The following LACTB2 variants were observed in gnomAD, a reference collection of about 807,000 sequenced individuals.
LACTB2 encodes the protein lactamase beta 2, also known as endoribonuclease LACTB2.
Under a neutral mutation model 34.8 loss-of-function variants are expected in LACTB2, and 32 were observed. That is an observed-to-expected ratio of 0.92 (90% CI 0.69 to 1.24). LACTB2 has a LOEUF of 1.24. Ranked by LOEUF, LACTB2 falls within the 50% of genes most tolerant of loss-of-function variation. LACTB2 has a pLI of 0.00. For synonymous variants in LACTB2, 120 were observed against 117.5 expected (o/e 1.02, Z -0.14); for missense variants, 320 against 345.0 (o/e 0.93, Z 0.57).
Position 70,668,748 on chromosome 8 carries a change from G to GTTTTTTT in LACTB2, c.122+244_122+250dup, listed in dbSNP as rs990900411. On this transcript the variant is annotated intron_variant, in intron 1 of 6. Transcript: ENST00000276590. The stretch of plus-strand genomic sequence containing the variant: ...CAGTAAATCGGGTTTCAAAACAGAA[G>GTTTTTTT]TTTTTTTTTTTTTTTTTTTTTTTTT... Among the ~76,000 whole-genome samples, 111 of 103,688 alleles carry GTTTTTTT rather than the reference G, an allele frequency of 1.1e-3. 9 individuals are homozygous for GTTTTTTT. Among genetic ancestry groups the GTTTTTTT allele is most frequent in the African/African-American group, 4.3e-3 (102 of 23,838 alleles). The allele number at this position is 103,688 out of a possible 152,430, so 68.0% of individuals were successfully genotyped here.
intron 2 of LACTB2, chr8:70,660,495 C>T (rs1300433923): frequency 5.0e-6 from 2 of 398,764 alleles, no homozygotes; most frequent in Non-Finnish European, 1.0e-5. Context: ...CAATTGTAGT[C>T]ACAAGGCCTA....
intron 3 of LACTB2, among the ~76,000 whole-genome samples, chr8:70,648,043 A>C (rs1818285267): frequency 6.6e-6 from 1 of 152,236 alleles, no homozygotes; most frequent in Admixed American, 6.5e-5. Flanking sequence ...CCTTTACGCT[A>C]CATGAAGATT....
chr8:70,647,345 C>CA (rs1322490167), intron 3 of LACTB2, among the ~76,000 whole-genome samples: 1 of 151,818 alleles, frequency 6.6e-6, no homozygotes, highest in Non-Finnish European at 1.5e-5. Context: ...CTCTGCCTCC[C>CA]AGGTTCAAGC....
rs146334456 is a variant in LACTB2, at chr8:70,638,109, C to A, written c.824-206G>T. ...TTAGAATTCTGGATTTTAAGGATTA[C>A]ATTTCTATAAAGATTATTAGTTTGA... On this transcript the variant is annotated intron_variant, in intron 6 of 6. Transcript: ENST00000276590. Among the ~76,000 whole-genome samples, 262 of 152,286 alleles carry A rather than the reference C, an allele frequency of 1.7e-3. 1 individual carries two copies. Among genetic ancestry groups the A allele is most frequent in the African/African-American group, 6.2e-3 (259 of 41,558 alleles).
Position 70,669,004 on chromosome 8 carries a change from G to C in LACTB2, c.117C>G (p.Gly39=), listed in dbSNP as rs891313914. 6.3e-7 allele frequency: 1 copy of C among 1,587,886 alleles called. No homozygotes were observed. Among genetic ancestry groups the C allele is most frequent in the Non-Finnish European group, 8.6e-7 (1 of 1,167,540 alleles). ...GGTTGGAGAGGGACGTTTACCTGGG[G>C]CCGGTCCCCACTAGGTAGGTGTTGG... ...QGTNTYLVGT[G]PRRILIDTGE... Residue 39 remains glycine, a synonymous_variant, in exon 1 of 7, where the codon GGC becomes GGG. Transcript: ENST00000276590.
chr8:70,651,494 T>C (rs920427375), intron 3 of LACTB2, among the ~76,000 whole-genome samples: 36 of 152,282 alleles, frequency 2.4e-4, no homozygotes, highest in African/African-American at 7.7e-4. Context: ...TATGAATACA[T>C]AGAATGCATT....
chr8:70,655,412 G>C (rs1191786581), intron 3 of LACTB2, among the ~76,000 whole-genome samples: 2 of 152,002 alleles, frequency 1.3e-5, no homozygotes, highest in African/African-American at 4.8e-5. Flanking sequence ...AGTAGAGACA[G>C]GGTTTCATCA....
At position 70,644,091 on chromosome 8, in the gene LACTB2, T is replaced by G; in HGVS notation, c.566A>C (p.Lys189Thr). The G allele has an allele frequency of 2.5e-6, 4 of 1,581,362 alleles. No individual in the cohort carries two copies. The highest frequency in any genetic ancestry group is 3.4e-6 in the Non-Finnish European group (4 of 1,167,438). ...TGGATATATAATATCAGCTTTGATT[T>G]TCAATAACTCTTTTAAAGAGTTCAT... ...DYMNSLKELL[K>T]IKADIIYPGH... Residue 189 changes from lysine (K) to threonine (T), a missense_variant, in exon 4 of 7, where the codon AAA (lysine) becomes ACA (threonine). Coordinates refer to ENST00000276590, the MANE Select transcript of LACTB2 (RefSeq NM_016027.3).
Position 70,661,910 on chromosome 8 carries a change from T to G in LACTB2, c.123-13A>C, listed in dbSNP as rs752472218. 2 of 1,592,122 alleles carry G rather than the reference T, an allele frequency of 1.3e-6. No individual in the cohort carries two copies. ...AATGAGGATTCTCCTGAAAATTAAATGGAAGATAATCACACAATTGGAACA... is the reference window on the plus strand; with the variant it reads ...AATGAGGATTCTCCTGAAAATTAAAGGGAAGATAATCACACAATTGGAACA... On this transcript the variant is annotated splice_polypyrimidine_tract_variant and intron_variant, in intron 1 of 6. Transcript: ENST00000276590.
chr8:70,643,216 T>C (rs1338302014), intron 4 of LACTB2, among the ~76,000 whole-genome samples: 6 of 11,812 alleles, frequency 5.1e-4, no homozygotes, highest in Admixed American at 3.0e-3. Flanking sequence ...TCCTTTTTTT[T>C]TTTTTTTTTT....
In LACTB2 at chr8:70,641,007, T is replaced by C. The variant is rs1305801694; in HGVS notation, c.636A>G (p.Gln212=). Residue 212 remains glutamine, a synonymous_variant, in exon 5 of 7, where the codon CAA becomes CAG. Transcript: ENST00000276590. ...VIHNAEAKIQ[Q]YISHRNIREQ... Reference sequence around the variant, plus strand: ...CTCGAATATTTCTGTGAGAAATGTATTGTTGAATTTTAGCTTCAGCATTAT... The same window carrying C: ...CTCGAATATTTCTGTGAGAAATGTACTGTTGAATTTTAGCTTCAGCATTAT... 6.2e-7 allele frequency: 1 copy of C among 1,606,184 alleles called. No homozygotes were observed. The highest frequency in any genetic ancestry group is 8.5e-7 in the Non-Finnish European group (1 of 1,177,888).
chr8:70,643,622 C>T (rs1818227846), intron 4 of LACTB2, among the ~76,000 whole-genome samples: 1 of 152,050 alleles, frequency 6.6e-6, no homozygotes, highest in South Asian at 2.1e-4. Context: ...TCAAGCGATT[C>T]TCCTGTCTCA....
chr8:70,645,051 TA>T (rs753513155), intron 3 of LACTB2, among the ~76,000 whole-genome samples: 5 of 151,236 alleles, frequency 3.3e-5, no homozygotes, highest in African/African-American at 4.9e-5. Flanking sequence ...TACATCATTT[TA>T]TATATATATA....
intron 2 of LACTB2, 129 bp downstream of exon 2, chr8:70,661,605 T>C: frequency 1.3e-6 from 1 of 752,518 alleles, no homozygotes; most frequent in South Asian, 2.0e-5. Context: ...TCTAATCAAT[T>C]TCTAAAAGTA....
chr8:70,660,754 A>C (rs535883041), intron 2 of LACTB2: 16 of 454,444 alleles, frequency 3.5e-5, no homozygotes, highest in Non-Finnish European at 6.2e-5. Context: ...TTGTACCTTT[A>C]TTTTCCTGCA....
chr8:70,657,811 G>A lies in LACTB2; in HGVS notation c.358C>T (p.Gln120Ter). ...REEIIGNGEQQYVYLKDGDVI... is the reference protein window; with the variant it reads ...REEIIGNGEQ ...TCTCCATCTTTCAGATAAACATATT[G>A]TTGCTCTCCATTTCCTATAATTTCT... The change falls in exon 3 of 7, where the codon CAA (glutamine) becomes TAA (stop). Residue 120 changes from glutamine (Q) to a stop codon, truncating the protein, a stop_gained. Transcript: ENST00000276590. LOFTEE classifies it high-confidence loss of function. The A allele has an allele frequency of 6.2e-7, 1 of 1,612,414 alleles. No individual in the cohort carries two copies. Among genetic ancestry groups the A allele is most frequent in the Non-Finnish European group, 8.5e-7 (1 of 1,178,718 alleles).
chr8:70,638,628 T>G lies in LACTB2; in HGVS notation c.743A>C (p.Asn248Thr). The stretch of plus-strand genomic sequence containing the variant: ...CATTTCATGTAAATTCTCAGGAGTA[T>G]TCTAAAAGAAAAATGAAGGTGAAAA... ...VMELVKIIYK[N>T]TPENLHEMAK... is the part of the protein sequence containing the mutation. The change falls in exon 6 of 7, where the codon AAT becomes ACT. Residue 248 changes from asparagine (N) to threonine (T), a missense_variant and splice_region_variant. By Grantham distance (65) the Asn-to-Thr change is moderately conservative (BLOSUM62 0). Transcript: ENST00000276590. 1.4e-6 allele frequency: 2 copies of G among 1,418,026 alleles called. No homozygotes were observed. The highest frequency in any genetic ancestry group is 1.9e-6 in the Non-Finnish European group (2 of 1,073,558). The allele number at this position is 1,418,026 out of a possible 1,614,324, so 87.8% of individuals were successfully genotyped here. A position where few individuals can be genotyped will look rare whatever the true frequency, so the allele number is the denominator to read the frequency against.
intron 3 of LACTB2, among the ~76,000 whole-genome samples, chr8:70,645,559 T>C (rs1818253993): frequency 6.6e-6 from 1 of 152,086 alleles, no homozygotes; most frequent in African/African-American, 2.4e-5. Flanking sequence ...GTTAGTTACG[T>C]ATGTATACAT....
chr8:70,637,654 T>A lies in LACTB2; in HGVS notation c.*206A>T, dbSNP rs1277589647. The A allele has an allele frequency of 3.0e-6, 1 of 338,446 alleles. No individual in the cohort carries two copies. The highest frequency in any genetic ancestry group is 5.4e-6 in the Non-Finnish European group (1 of 184,606). 21.0% of individuals were successfully genotyped at this position (338,446 alleles called of 1,614,324 possible). The stretch of plus-strand genomic sequence containing the variant: ...AGATTATGAATTTTTGGTAAAACGT[T>A]AGAAGACAAGGTTAGAGAAATAACC... On this transcript the variant is annotated 3_prime_UTR_variant, in exon 7 of 7. Transcript: ENST00000276590.
Sources: allele counts gnomAD v4.1 joint callset (sites outside exome capture counted in the v4.1 genomes callset), GRCh38; gene constraint gnomAD v4.1.1; transcripts MANE v1.5; gene names NCBI Gene and HGNC (gene_info 2026-07-23, HGNC 2026-07-21).